ITPR1: variants seen among roughly 807,000 people sequenced by gnomAD.
ITPR1 encodes the protein inositol 1,4,5-trisphosphate receptor type 1.
A neutral mutation model predicts 318.4 loss-of-function variants in ITPR1; 96 were observed. The observed-to-expected ratio is 0.30, with a 90% CI of 0.26 to 0.36. The LOEUF is 0.36. Among genes scored for constraint, ITPR1 ranks in the 10% least tolerant of loss-of-function variants. The pLI is 1.00. For synonymous variants in ITPR1, 1,312 were observed against 1,289.9 expected (o/e 1.02, Z -0.37); for missense variants, 2,440 against 3,460.2 (o/e 0.71, Z 7.40).
chr3:4,781,326 G>C (rs921175031), intron 49 of ITPR1, among the ~76,000 whole-genome samples: 1 of 152,210 alleles, frequency 6.6e-6, no homozygotes, highest in Non-Finnish European at 1.5e-5. Context: ...ATTAGAGGTT[G>C]AAGGTATTTT....
At chr3:4,706,572 G>C (rs1365767712) in intron 37 of ITPR1, among the ~76,000 whole-genome samples, 2 of 152,218 alleles carry the variant, frequency 1.3e-5, no homozygotes, top group African/African-American at 4.8e-5. Flanking sequence ...GTTACTCCTA[G>C]ATTTGCAGAT....
intron 60 of ITPR1, among the ~76,000 whole-genome samples, chr3:4,823,680 A>T (rs1050985465): frequency 2.0e-5 from 3 of 152,198 alleles, no homozygotes; most frequent in Admixed American, 1.3e-4. Context: ...TAGGGGAAAA[A>T]GGAAAGGAGG....
intron 5 of ITPR1, among the ~76,000 whole-genome samples, chr3:4,635,335 C>A (rs2093151281): frequency 6.6e-6 from 1 of 151,974 alleles, no homozygotes; most frequent in Non-Finnish European, 1.5e-5. Context: ...GGTACTAATT[C>A]AATATCTTTC....
Position 4,711,872 on chromosome 3 carries a change from C to G in ITPR1, c.5103+4C>G. 1.4e-6 allele frequency: 2 copies of G among 1,421,970 alleles called. No homozygotes were observed. The highest frequency in any genetic ancestry group is 1.9e-6 in the Non-Finnish European group (2 of 1,047,114). The allele number at this position is 1,421,970 out of a possible 1,614,324, so 88.1% of individuals were successfully genotyped here. A position where few individuals can be genotyped will look rare whatever the true frequency, so the allele number is the denominator to read the frequency against. On this transcript the variant is annotated splice_donor_region_variant and intron_variant, in intron 39 of 61. Transcript: ENST00000649015. ...AGATAGAGGCTATGGAGAAAAGGTACTGCATTTTATTTTCATGGTCAAACC... is the reference window on the plus strand; with the variant it reads ...AGATAGAGGCTATGGAGAAAAGGTAGTGCATTTTATTTTCATGGTCAAACC...
At chr3:4,494,196 G>A (rs547799086) in intron 1 of ITPR1, among the ~76,000 whole-genome samples, 22 of 152,378 alleles carry the variant, frequency 1.4e-4, no homozygotes, top group Non-Finnish European at 2.9e-4. Flanking sequence ...CCGCACGTTC[G>A]AAGTTTGTGC....
Position 4,846,885 on chromosome 3 carries a change from A to AGAT in ITPR1, c.*661_*663dup, listed in dbSNP as rs1488020342. ...TTAAGAAAAGCAACTTTAGTTTCAAAGATACTTTTAAGCTTCTAAATTGAT... is the reference window on the plus strand; with the variant it reads ...TTAAGAAAAGCAACTTTAGTTTCAAAGATGATACTTTTAAGCTTCTAAATTGAT... On this transcript the variant is annotated 3_prime_UTR_variant, in exon 62 of 62. Transcript: ENST00000649015. 1 of 152,652 alleles carries AGAT rather than the reference A, an allele frequency of 6.6e-6. No individual in the cohort carries two copies. Among genetic ancestry groups the AGAT allele is most frequent in the African/African-American group, 2.4e-5 (1 of 41,456 alleles). 9.5% of individuals were successfully genotyped at this position (152,652 alleles called of 1,614,324 possible).
At chr3:4,677,742 G>A (rs4684436) in intron 24 of ITPR1, among the ~76,000 whole-genome samples, 127,859 of 152,146 alleles carry the variant, frequency 0.84, 53,789 homozygotes, top group East Asian at 0.87. Flanking sequence ...AAGTGGGTGG[G>A]TTATAACAAG....
chr3:4,720,330 G>A (rs1231156932), intron 40 of ITPR1, among the ~76,000 whole-genome samples: 1 of 152,228 alleles, frequency 6.6e-6, no homozygotes, highest in African/African-American at 2.4e-5. Context: ...TACCTAAGCA[G>A]GGAGGCCAGG....
intron 4 of ITPR1, among the ~76,000 whole-genome samples, chr3:4,569,236 A>C (rs2087724825): frequency 6.6e-6 from 1 of 152,174 alleles, no homozygotes; most frequent in Non-Finnish European, 1.5e-5. Context: ...GACATCATTA[A>C]ATTTGCCTTA....
Position 4,521,048 on chromosome 3 carries a change from A to G in ITPR1, c.117A>G (p.Val39=). The G allele has an allele frequency of 6.2e-7, 1 of 1,613,702 alleles. No homozygotes were observed. The highest frequency in any genetic ancestry group is 8.5e-7 in the Non-Finnish European group (1 of 1,179,642). The change falls in exon 4 of 62, where the codon GTA becomes GTG. Residue 39 remains valine, a synonymous_variant. Transcript: ENST00000649015. ...GCCTGGTTGATGATCGTTGTGTTGT[A>G]CAGCCAGAAACCGGGGACCTTAACA... ...TLGLVDDRCV[V]QPETGDLNNP... is the part of the protein sequence containing the mutation.
At chr3:4,594,655 T>A (rs2090654633) in intron 4 of ITPR1, among the ~76,000 whole-genome samples, 1 of 152,142 alleles carries the variant, frequency 6.6e-6, no homozygotes, top group Admixed American at 6.5e-5. Context: ...AGGATGCACC[T>A]ACCCATTGAG....
intron 48 of ITPR1, among the ~76,000 whole-genome samples, chr3:4,777,752 C>G (rs933228638): frequency 2.0e-5 from 3 of 149,376 alleles, no homozygotes; most frequent in Admixed American, 6.7e-5. Flanking sequence ...GGAAAAGGGC[C>G]GGTTGAAGAA....
At chr3:4,622,329 G>A (rs2092670965) in intron 4 of ITPR1, among the ~76,000 whole-genome samples, 1 of 145,930 alleles carries the variant, frequency 6.9e-6, no homozygotes, top group Admixed American at 6.9e-5. Flanking sequence ...TGGCCAGGAT[G>A]GTCTCGATCT....
intron 40 of ITPR1, among the ~76,000 whole-genome samples, chr3:4,718,614 C>T (rs1319243253): frequency 1.3e-5 from 2 of 152,220 alleles, no homozygotes; most frequent in African/African-American, 2.4e-5. Flanking sequence ...AGGACAAACA[C>T]GTGGCTGGCT....
In ITPR1 at chr3:4,792,140, C is replaced by T. The variant is rs115857754; in HGVS notation, c.6809-2925C>T. On this transcript the variant is annotated intron_variant, in intron 52 of 61. Coordinates refer to ENST00000649015, the MANE Select transcript of ITPR1 (RefSeq NM_001378452.1). ...CATTTCTCATGCTGTGCTACTGACCCTCCTGTTCCCTCTCTCACTCTCTCA... is the reference window on the plus strand; with the variant it reads ...CATTTCTCATGCTGTGCTACTGACCTTCCTGTTCCCTCTCTCACTCTCTCA... Among the ~76,000 whole-genome samples, 1,019 of 152,242 alleles carry T rather than the reference C, an allele frequency of 6.7e-3. 5 individuals carry two copies. Among genetic ancestry groups the T allele is most frequent in the Non-Finnish European group, 9.4e-3 (637 of 68,028 alleles).
At position 4,633,714 on chromosome 3, in the gene ITPR1, C is replaced by T. The variant is rs560172698; in HGVS notation, c.280-5670C>T. On this transcript the variant is annotated intron_variant, in intron 5 of 61. Coordinates refer to ENST00000649015, the MANE Select transcript of ITPR1 (RefSeq NM_001378452.1). ...CATCCGCAAATCACATAAATTTCTT[C>T]TAAAGGCCATTACTACTGTTTTCTG... Among the ~76,000 whole-genome samples the T allele has an allele frequency of 7.9e-5, 12 of 152,366 alleles. No homozygotes were observed. In the East Asian group the frequency reaches 2.1e-3, roughly 27 times the overall value.
chr3:4,618,028 C>G (rs1435905621), intron 4 of ITPR1, among the ~76,000 whole-genome samples: 1 of 151,674 alleles, frequency 6.6e-6, no homozygotes, highest in African/African-American at 2.4e-5. Context: ...TATGCACATC[C>G]TTTAAAAAGT....
At position 4,623,098 on chromosome 3, in the gene ITPR1, G is replaced by T. The variant is rs185423954; in HGVS notation, c.164-4665G>T. On this transcript the variant is annotated intron_variant, in intron 4 of 61. Transcript: ENST00000649015. The stretch of plus-strand genomic sequence containing the variant: ...CTCACTTTGCTTCTGCCCCAACCCA[G>T]AGTGCTGGAAGCACACCTGTGGCTC... Among the ~76,000 whole-genome samples, 205 of 152,320 alleles carry T rather than the reference G, an allele frequency of 1.3e-3. 1 individual carries two copies. Among genetic ancestry groups the T allele is most frequent in the African/African-American group, 4.2e-3 (176 of 41,578 alleles).
At chr3:4,673,071 C>T (rs948918855) in intron 20 of ITPR1, 65 bp from the exon 21 acceptor site, 22 of 1,543,250 alleles carry the variant, frequency 1.4e-5, no homozygotes, top group Middle Eastern at 2.0e-4. Context: ...GCTGCCCAGA[C>T]GACCCTTCAT....
Sources: allele counts gnomAD v4.1 joint callset (sites outside exome capture counted in the v4.1 genomes callset), GRCh38; gene constraint gnomAD v4.1.1; transcripts MANE v1.5; gene names NCBI Gene and HGNC (gene_info 2026-07-23, HGNC 2026-07-21).